SYN2: variants seen among roughly 807,000 people sequenced by gnomAD.
SYN2 encodes synapsin II.
Under a neutral mutation model 50.9 loss-of-function variants are expected in SYN2, and 19 were observed. That is an observed-to-expected ratio of 0.37 (90% CI 0.26 to 0.55). SYN2 has a LOEUF of 0.55. Among genes scored for constraint, SYN2 ranks in the 20% least tolerant of loss-of-function variants. The probability of loss-of-function intolerance (pLI) is 0.81; values close to 1 mark genes in which losing one functional copy is unlikely to be tolerated. For missense variants in SYN2, 587 were observed against 576.4 expected (o/e 1.02, Z -0.19); for synonymous variants, 255 against 224.9 (o/e 1.13, Z -1.20).
At chr3:12,153,412 C>CA in intron 5 of SYN2, 1 of 1,346,770 alleles carries the variant, frequency 7.4e-7, no homozygotes, top group Non-Finnish European at 1.1e-6. Context: ...TTCTTATTAG[C>CA]TGGCAGCAAG....
intron 1 of SYN2, among the ~76,000 whole-genome samples, chr3:12,115,496 C>T (rs577079709): frequency 1.7e-3 from 262 of 152,256 alleles, no homozygotes; most frequent in Non-Finnish European, 3.0e-3. Context: ...CTGTGAAAAG[C>T]GTGAATTTTT....
At chr3:12,039,573 T>TTG (rs1694569257) in intron 1 of SYN2, among the ~76,000 whole-genome samples, 1 of 123,706 alleles carries the variant, frequency 8.1e-6, no homozygotes, top group Non-Finnish European at 1.8e-5. Flanking sequence ...TTTTTTTTTT[T>TTG]GTCATTCAGC....
rs890057543 is a variant in SYN2, at chr3:12,153,416, C to T, written c.774+2090C>T. ...CCACTTGGCACTTCTTATTAGCTGGCAGCAAGAGGTCAGGTGGTAATGGCC... is the reference window on the plus strand; with the variant it reads ...CCACTTGGCACTTCTTATTAGCTGGTAGCAAGAGGTCAGGTGGTAATGGCC... On this transcript the variant is annotated intron_variant, in intron 5 of 12. Coordinates refer to ENST00000621198, the MANE Select transcript of SYN2 (RefSeq NM_133625.6). 11 of 1,373,272 alleles carry T rather than the reference C, an allele frequency of 8.0e-6. No individual in the cohort carries two copies. In the Admixed American group the frequency reaches 1.5e-4, roughly 19 times the overall value. 85.1% of individuals were successfully genotyped at this position (1,373,272 alleles called of 1,614,324 possible). A position where few individuals can be genotyped will look rare whatever the true frequency, so the allele number is the denominator to read the frequency against.
chr3:12,158,880 GA>G, intron 5 of SYN2: 1 of 1,502,780 alleles, frequency 6.7e-7, no homozygotes, highest in Non-Finnish European at 8.9e-7. Flanking sequence ...AGGTCTGGGG[GA>G]CTGGACGGCC....
intron 1 of SYN2, among the ~76,000 whole-genome samples, chr3:12,034,796 A>G (rs1229703392): frequency 6.6e-6 from 1 of 152,170 alleles, no homozygotes; most frequent in East Asian, 1.9e-4. Flanking sequence ...CCAACACATG[A>G]ATTTTGGGAG....
In SYN2 at chr3:12,191,022, C is replaced by G; in HGVS notation, c.*397C>G. On this transcript the variant is annotated 3_prime_UTR_variant, in exon 13 of 13. Transcript: ENST00000621198. ...GTTGCAGTGCTAAGCATGCCCCGCC[C>G]CCATTCAGTGATACCTGTTTGGGAA... is the stretch of plus-strand genomic sequence containing the variant. The G allele has an allele frequency of 5.0e-6, 5 of 998,438 alleles. No individual in the cohort carries two copies. The South Asian group carries it at 2.2e-4, about 44-fold the overall frequency. 61.8% of individuals were successfully genotyped at this position (998,438 alleles called of 1,614,324 possible). A position where few individuals can be genotyped will look rare whatever the true frequency, so the allele number is the denominator to read the frequency against.
At chr3:12,111,539 C>A (rs1233308347) in intron 1 of SYN2, among the ~76,000 whole-genome samples, 2 of 152,164 alleles carry the variant, frequency 1.3e-5, no homozygotes, top group African/African-American at 4.8e-5. Flanking sequence ...CCTTCGGCAA[C>A]CCTAAAGAAC....
At chr3:12,143,544 A>T (rs1228639446) in intron 3 of SYN2, among the ~76,000 whole-genome samples, 1 of 151,628 alleles carries the variant, frequency 6.6e-6, no homozygotes. Flanking sequence ...GCAGTATTTG[A>T]TTTTCTGTTT....
At chr3:12,144,824 C>G (rs762422735) in intron 3 of SYN2, among the ~76,000 whole-genome samples, 2 of 151,872 alleles carry the variant, frequency 1.3e-5, no homozygotes, top group Non-Finnish European at 2.9e-5. Context: ...AGTTCAAGAC[C>G]AGCTTGTCCA....
intron 1 of SYN2, among the ~76,000 whole-genome samples, chr3:12,128,819 G>GA (rs1405103984): frequency 2.0e-5 from 3 of 151,936 alleles, no homozygotes; most frequent in South Asian, 4.2e-4. Flanking sequence ...AAAAGAGGAG[G>GA]AAAAAAACCC....
intron 1 of SYN2, among the ~76,000 whole-genome samples, chr3:12,065,292 T>C (rs535968863): frequency 3.3e-4 from 50 of 152,220 alleles, no homozygotes; most frequent in African/African-American, 1.1e-3. Flanking sequence ...GAAAACAGTT[T>C]GGAGAGTTCT....
At chr3:12,094,144 C>T (rs1209820722) in intron 1 of SYN2, among the ~76,000 whole-genome samples, 5 of 152,052 alleles carry the variant, frequency 3.3e-5, no homozygotes, top group African/African-American at 1.2e-4. Context: ...CATGAGCCAC[C>T]GTGCCTGGCC....
intron 5 of SYN2, 81 bp downstream of exon 5, chr3:12,151,407 A>G: frequency 8.9e-7 from 1 of 1,121,724 alleles, no homozygotes; most frequent in Non-Finnish European, 1.3e-6. Flanking sequence ...GGGCTCTGAA[A>G]AGGGCCTCAG....
At position 12,070,480 on chromosome 3, in the gene SYN2, T is replaced by C. The variant is rs970012138; in HGVS notation, c.377+65552T>C. The C allele has an allele frequency of 2.6e-5, 16 of 618,634 alleles. No individual in the cohort carries two copies. In the African/African-American group the frequency reaches 2.6e-4, roughly 10 times the overall value. 38.3% of individuals were successfully genotyped at this position (618,634 alleles called of 1,614,324 possible). The stretch of plus-strand genomic sequence containing the variant: ...GGCATCGTCATCAACTGGGATGACA[T>C]GAAGAAGATTTGGCACCACACCTTC... On this transcript the variant is annotated intron_variant, in intron 1 of 12. Transcript: ENST00000621198.
chr3:12,047,916 C>A (rs1694775242), intron 1 of SYN2, among the ~76,000 whole-genome samples: 1 of 152,144 alleles, frequency 6.6e-6, no homozygotes, highest in South Asian at 2.1e-4. Context: ...TAAGATGGTT[C>A]AATAAATCAG....
chr3:12,044,881 C>T (rs559903421), intron 1 of SYN2, among the ~76,000 whole-genome samples: 1 of 152,222 alleles, frequency 6.6e-6, no homozygotes, highest in African/African-American at 2.4e-5. Context: ...ACATACTGTG[C>T]TAATCTCTTT....
At chr3:12,130,350 A>G (rs555735886) in intron 1 of SYN2, among the ~76,000 whole-genome samples, 9 of 152,130 alleles carry the variant, frequency 5.9e-5, no homozygotes, top group Non-Finnish European at 1.2e-4. Flanking sequence ...AGAGCTAATG[A>G]TAGTTCCAGT....
chr3:12,012,136 T>C (rs1335351122), intron 1 of SYN2, among the ~76,000 whole-genome samples: 1 of 152,096 alleles, frequency 6.6e-6, no homozygotes, highest in Admixed American at 6.6e-5. Context: ...CTTTCTTTTG[T>C]GTTTTTCAAA....
chr3:12,108,643 T>G (rs2125193991), intron 1 of SYN2, among the ~76,000 whole-genome samples: 1 of 152,280 alleles, frequency 6.6e-6, no homozygotes, highest in East Asian at 1.9e-4. Flanking sequence ...TAAAGGCCTT[T>G]TAATTCTTTA....
Sources: gnomAD v4.1 joint callset for allele counts (sites outside exome capture counted in the v4.1 genomes callset) on GRCh38, gnomAD v4.1.1 for gene constraint, MANE v1.5 for transcripts, NCBI Gene and HGNC (gene_info 2026-07-23, HGNC 2026-07-21) for gene names.